The following NQO1 variants were observed in gnomAD, a reference collection of about 807,000 sequenced individuals.
NQO1 encodes NAD(P)H quinone dehydrogenase 1.
In NQO1, 30 loss-of-function variants were observed where a neutral mutation model predicts 32.1. The observed-to-expected ratio is 0.94, with a 90% CI of 0.70 to 1.27. NQO1 has a LOEUF of 1.27. NQO1 is among the 50% of genes most tolerant of loss of function. The pLI is 0.00. For missense variants in NQO1, 276 were observed against 331.3 expected (o/e 0.83, Z 1.30); for synonymous variants, 109 against 119.7 (o/e 0.91, Z 0.59).
Position 69,709,723 on chromosome 16 carries a change from T to C in NQO1, c.*1253A>G. 5.0e-6 allele frequency: 2 copies of C among 398,518 alleles called. No individual in the cohort carries two copies. The highest frequency in any genetic ancestry group is 8.8e-6 in the Non-Finnish European group (2 of 226,006). 24.7% of individuals were successfully genotyped at this position (398,518 alleles called of 1,614,324 possible). ...GTTTTATCATATTCTCCTTGAATTA[T>C]ATAATACCAACAGTGGAATGAGATG... On this transcript the variant is annotated 3_prime_UTR_variant, in exon 6 of 6. Coordinates refer to ENST00000320623, the MANE Select transcript of NQO1 (RefSeq NM_000903.3).
At chr16:69,712,475 T>C (rs899903537) in intron 5 of NQO1, among the ~76,000 whole-genome samples, 4 of 152,116 alleles carry the variant, frequency 2.6e-5, no homozygotes, top group Middle Eastern at 3.4e-3. Flanking sequence ...AAATCAAGAG[T>C]AGTGATTCAC....
At chr16:69,724,295 AGAGT>A (rs1443210239) in intron 1 of NQO1, among the ~76,000 whole-genome samples, 1 of 151,922 alleles carries the variant, frequency 6.6e-6, no homozygotes, top group Non-Finnish European at 1.5e-5. Context: ...CCTGGGCAAC[AGAGT>A]GAGTGAGACT....
chr16:69,711,896 C>T (rs566890086), intron 5 of NQO1, among the ~76,000 whole-genome samples: 9 of 152,064 alleles, frequency 5.9e-5, no homozygotes, highest in Middle Eastern at 6.8e-3. Context: ...TCAAGTGATC[C>T]GCCTGCCTCA....
chr16:69,720,157 G>C (rs1167676791), intron 1 of NQO1, among the ~76,000 whole-genome samples: 1 of 152,036 alleles, frequency 6.6e-6, no homozygotes, highest in Non-Finnish European at 1.5e-5. Flanking sequence ...TACTCAGGAG[G>C]CTGAGAGATG....
At chr16:69,726,286 T>C in intron 1 of NQO1, 147 bp downstream of exon 1, 2 of 1,119,246 alleles carry the variant, frequency 1.8e-6, no homozygotes, top group Non-Finnish European at 2.5e-6. Context: ...CGGAGTCCGA[T>C]CAAGGCTCAT....
chr16:69,717,573 T>TCC (rs2038130973), intron 3 of NQO1, among the ~76,000 whole-genome samples: 1 of 151,662 alleles, frequency 6.6e-6, no homozygotes, highest in South Asian at 2.1e-4. Flanking sequence ...GCTCAAGGAC[T>TCC]GTACATCATC....
chr16:69,714,466 C>T (rs539787787), intron 4 of NQO1, among the ~76,000 whole-genome samples: 3 of 152,026 alleles, frequency 2.0e-5, no homozygotes, highest in Non-Finnish European at 2.9e-5. Flanking sequence ...CCACTGCGCC[C>T]GGCCTCTGGA....
intron 1 of NQO1, among the ~76,000 whole-genome samples, chr16:69,722,517 A>G (rs541341651): frequency 6.6e-6 from 1 of 152,204 alleles, no homozygotes; most frequent in Non-Finnish European, 1.5e-5. Context: ...AATAACTAGA[A>G]AGGCACATTT....
At position 69,711,203 on chromosome 16, in the gene NQO1, C is replaced by T. The variant is rs759849531; in HGVS notation, c.598G>A (p.Ala200Thr). The T allele has an allele frequency of 3.7e-6, 6 of 1,614,022 alleles. No homozygotes were observed. Among genetic ancestry groups the T allele is most frequent in the South Asian group, 3.3e-5 (3 of 91,084 alleles). ...TYSIGHTPAD[A>T]RIQILEGWKK... ...CATCCTTCCAGGATTTGAATTCGGG[C>T]GTCTGCTGGAGTGTGCCCAATGCTA... The change falls in exon 6 of 6, where the codon GCC (alanine) becomes ACC (threonine). Residue 200 changes from alanine (A) to threonine (T), a missense_variant. Transcript: ENST00000320623.
intron 1 of NQO1, among the ~76,000 whole-genome samples, chr16:69,722,511 A>C (rs1273831862): frequency 6.6e-6 from 1 of 152,200 alleles, no homozygotes; most frequent in Non-Finnish European, 1.5e-5. Context: ...AACTAAAATA[A>C]CTAGAAAGGC....
intron 1 of NQO1, 67 bp from the exon 2 acceptor site, chr16:69,718,601 G>A (rs2038148982): frequency 2.6e-6 from 4 of 1,552,196 alleles, no homozygotes; most frequent in African/African-American, 2.7e-5. Flanking sequence ...CAGCTACAGG[G>A]GAGTTGCAGT....
chr16:69,717,165 T>C (rs2038125086), intron 3 of NQO1, among the ~76,000 whole-genome samples: 1 of 151,622 alleles, frequency 6.6e-6, no homozygotes. Context: ...ATACATTCTA[T>C]GTTCAATATC....
intron 3 of NQO1, among the ~76,000 whole-genome samples, chr16:69,716,594 T>C (rs913220768): frequency 4.6e-5 from 7 of 152,154 alleles, no homozygotes; most frequent in African/African-American, 1.7e-4. Context: ...GAGAAAGTCT[T>C]GTCTGACCTC....
chr16:69,715,153 G>T, intron 3 of NQO1, 76 bp from the exon 4 acceptor site: 1 of 1,019,524 alleles, frequency 9.8e-7, no homozygotes, highest in East Asian at 2.4e-5. Context: ...GTGCTGAGCC[G>T]CTCCCCATGA....
intron 1 of NQO1, among the ~76,000 whole-genome samples, chr16:69,722,966 C>T (rs960620608): frequency 1.3e-5 from 2 of 152,134 alleles, no homozygotes; most frequent in Non-Finnish European, 2.9e-5. Context: ...TTCGCTCTGT[C>T]GCCCAGGCTG....
chr16:69,719,245 C>A lies in NQO1; in HGVS notation c.8-711G>T, dbSNP rs77097817. On this transcript the variant is annotated intron_variant, in intron 1 of 5. Transcript: ENST00000320623. ...TGGTGGGGATAAGAACTGCCTCAAC[C>A]TTTAGGGAAAGTAATGAGGCAGAAT... 2.0e-5 allele frequency among the ~76,000 whole-genome samples: 3 copies of A among 152,222 alleles called. No individual in the cohort carries two copies. The East Asian group carries it at 5.8e-4, about 29-fold the overall frequency.
Position 69,718,509 on chromosome 16 carries a change from A to G in NQO1, c.33T>C (p.Ala11=). The change falls in exon 2 of 6, where the codon GCT becomes GCC. Residue 11 remains alanine, a synonymous_variant. Transcript: ENST00000320623. MVGRRALIVL[A]HSERTSFNYA... Reference sequence around the variant, plus strand: ...AGTTGAAGGACGTCCTCTCTGAGTGAGCCAGTACGATCAGTGCTCTTCTGC... The same window carrying G: ...AGTTGAAGGACGTCCTCTCTGAGTGGGCCAGTACGATCAGTGCTCTTCTGC... 1.2e-6 allele frequency: 2 copies of G among 1,614,070 alleles called. No homozygotes were observed. The highest frequency in any genetic ancestry group is 1.7e-6 in the Non-Finnish European group (2 of 1,180,012).
At chr16:69,721,080 T>C (rs2038183221) in intron 1 of NQO1, among the ~76,000 whole-genome samples, 1 of 148,918 alleles carries the variant, frequency 6.7e-6, no homozygotes, top group Non-Finnish European at 1.5e-5. Context: ...GGATTTGCCA[T>C]GTTGCCCAGG....
intron 1 of NQO1, among the ~76,000 whole-genome samples, chr16:69,720,023 C>T (rs2038168501): frequency 6.6e-6 from 1 of 152,040 alleles, no homozygotes; most frequent in African/African-American, 2.4e-5. Flanking sequence ...GAGGCCAAGG[C>T]GGGAACATTG....
Sources: allele counts gnomAD v4.1 joint callset (sites outside exome capture counted in the v4.1 genomes callset), GRCh38; gene constraint gnomAD v4.1.1; transcripts MANE v1.5; gene names NCBI Gene and HGNC (gene_info 2026-07-23, HGNC 2026-07-21).